The following CPQ variants were observed in gnomAD, a reference collection of about 807,000 sequenced individuals.
The protein encoded by CPQ is Ser-Met dipeptidase.
CPQ carries 37 observed loss-of-function variants against 45.7 expected under a neutral mutation model. The ratio of observed to expected loss-of-function variants is 0.81; its 90% confidence interval spans 0.62 to 1.07. CPQ has a LOEUF of 1.07. Ranked by LOEUF, CPQ falls within the 50% of genes least tolerant of loss-of-function variation. The pLI is 0.00. For synonymous variants in CPQ, 186 were observed against 205.8 expected, an observed-to-expected ratio of 0.90 and a Z score of 0.82; for missense variants, 537 against 572.9, an observed-to-expected ratio of 0.94 and a Z score of 0.64.
At position 96,660,492 on chromosome 8, in the gene CPQ, C is replaced by T. The variant is rs562877616; in HGVS notation, c.-35+15090C>T. Among the ~76,000 whole-genome samples the T allele has an allele frequency of 6.6e-5, 10 of 152,182 alleles. No homozygotes were observed. In the South Asian group the frequency reaches 8.3e-4, roughly 13 times the overall value. On this transcript the variant is annotated intron_variant, in intron 1 of 7. Coordinates refer to ENST00000220763, the MANE Select transcript of CPQ (RefSeq NM_016134.4). The stretch of plus-strand genomic sequence containing the variant: ...GGGAACACAATTTAGCCCATAACAC[C>T]GACTGTATCCCTCTATGTATTCTGT...
chr8:97,061,203 T>C (rs1810544593), intron 6 of CPQ, among the ~76,000 whole-genome samples: 1 of 152,168 alleles, frequency 6.6e-6, no homozygotes, highest in Non-Finnish European at 1.5e-5. Context: ...TGAAAAGATG[T>C]TTTATTATTT....
intron 7 of CPQ, among the ~76,000 whole-genome samples, chr8:97,121,673 C>A (rs1008486494): frequency 2.0e-5 from 3 of 152,050 alleles, no homozygotes; most frequent in African/African-American, 7.2e-5. Flanking sequence ...ACAACTAGAA[C>A]ACCCACTGAA....
intron 1 of CPQ, among the ~76,000 whole-genome samples, chr8:96,744,233 G>C (rs1398475537): frequency 6.6e-6 from 1 of 152,206 alleles, no homozygotes; most frequent in African/African-American, 2.4e-5. Flanking sequence ...GGAGTGACCC[G>C]ATTTTCCAGA....
intron 1 of CPQ, among the ~76,000 whole-genome samples, chr8:96,677,964 C>A (rs542645697): frequency 6.6e-6 from 1 of 151,690 alleles, no homozygotes; most frequent in African/African-American, 2.4e-5. Context: ...TGCTTTGTTG[C>A]GGATCAGCAC....
In CPQ at chr8:97,122,976, TA is replaced by T. The variant is rs1563586913; in HGVS notation, c.1256-20040del. 9.5e-3 allele frequency among the ~76,000 whole-genome samples: 514 copies of T among 54,358 alleles called. 37 individuals carry two copies. The highest frequency in any genetic ancestry group is 0.019 in the Admixed American group (71 of 3,714). The allele number at this position is 54,358 out of a possible 152,430, so 35.7% of individuals were successfully genotyped here. On this transcript the variant is annotated intron_variant, in intron 7 of 7. Transcript: ENST00000220763. ...TAAAATAAAATAAAATAAAATAAAATAAAATTAAAATAAAATAAAATAAAAT... is the reference window on the plus strand; with the variant it reads ...TAAAATAAAATAAAATAAAATAAAATAAATTAAAATAAAATAAAATAAAAT...
chr8:96,681,517 G>T (rs951539116), intron 1 of CPQ, among the ~76,000 whole-genome samples: 1 of 152,218 alleles, frequency 6.6e-6, no homozygotes, highest in African/African-American at 2.4e-5. Flanking sequence ...GTATAGAAAT[G>T]CCTGGCTGCA....
At chr8:97,138,643 G>T (rs1425234297) in intron 7 of CPQ, among the ~76,000 whole-genome samples, 1 of 152,124 alleles carries the variant, frequency 6.6e-6, no homozygotes, top group African/African-American at 2.4e-5. Context: ...AGAAATAATA[G>T]AAATAATGAA....
intron 3 of CPQ, among the ~76,000 whole-genome samples, chr8:96,873,134 T>A (rs1372172915): frequency 6.6e-6 from 1 of 151,886 alleles, no homozygotes; most frequent in African/African-American, 2.4e-5. Flanking sequence ...GATTTGCGGA[T>A]GAACATAAGA....
chr8:96,892,085 C>T (rs1812384053), intron 4 of CPQ, among the ~76,000 whole-genome samples: 1 of 152,078 alleles, frequency 6.6e-6, no homozygotes, highest in African/African-American at 2.4e-5. Flanking sequence ...CTAATGAATC[C>T]TGTTTTTATG....
chr8:96,653,112 A>T (rs935498322), intron 1 of CPQ, among the ~76,000 whole-genome samples: 1 of 152,138 alleles, frequency 6.6e-6, no homozygotes, highest in Non-Finnish European at 1.5e-5. Context: ...GTATATTTGT[A>T]GAGAAGGAGT....
intron 1 of CPQ, among the ~76,000 whole-genome samples, chr8:96,769,951 T>G (rs1421913393): frequency 6.6e-6 from 1 of 152,158 alleles, no homozygotes; most frequent in Non-Finnish European, 1.5e-5. Flanking sequence ...CAAAGATGCC[T>G]CCTTTTGAAC....
At chr8:96,908,747 G>GCGCACACACACACA (rs149476038) in intron 4 of CPQ, among the ~76,000 whole-genome samples, 1 of 140,918 alleles carries the variant, frequency 7.1e-6, no homozygotes, top group Non-Finnish European at 1.6e-5. Context: ...ATACACATGC[G>GCGCACACACACACA]CACACACACA....
chr8:96,681,399 G>A (rs185795628), intron 1 of CPQ, among the ~76,000 whole-genome samples: 5 of 152,256 alleles, frequency 3.3e-5, no homozygotes, highest in Admixed American at 6.5e-5. Flanking sequence ...CTGTTGCTTC[G>A]CAGGGTGAAA....
chr8:96,721,938 C>T lies in CPQ; in HGVS notation c.-34-62926C>T, dbSNP rs1809768619. Among the ~76,000 whole-genome samples, 3 of 152,208 alleles carry T rather than the reference C, an allele frequency of 2.0e-5. 1 individual carries two copies. The highest frequency in any genetic ancestry group is 2.0e-4 in the Admixed American group (3 of 15,282). ...CCCCACTTTACTTGGCTAACTCTTG[C>T]TAATCCTTTAGGTTGCAGCACAGAT... On this transcript the variant is annotated intron_variant, in intron 1 of 7. Transcript: ENST00000220763.
At chr8:96,789,455 G>A (rs1810818641) in intron 2 of CPQ, among the ~76,000 whole-genome samples, 1 of 152,072 alleles carries the variant, frequency 6.6e-6, no homozygotes, top group South Asian at 2.1e-4. Flanking sequence ...TTTTGGCTGG[G>A]TTCCCTATGA....
At chr8:96,949,045 GT>G (rs1384324815) in intron 4 of CPQ, among the ~76,000 whole-genome samples, 1 of 152,032 alleles carries the variant, frequency 6.6e-6, no homozygotes, top group Non-Finnish European at 1.5e-5. Flanking sequence ...TCTAAAGTGA[GT>G]TTCCTGTGGA....
At chr8:97,068,955 G>A (rs576368853) in intron 7 of CPQ, among the ~76,000 whole-genome samples, 17 of 152,256 alleles carry the variant, frequency 1.1e-4, no homozygotes, top group African/African-American at 1.4e-4. Flanking sequence ...CCAAATCTCC[G>A]GCAGTGTCTA....
chr8:97,007,527 A>G (rs1471561102), intron 5 of CPQ, among the ~76,000 whole-genome samples: 1 of 152,246 alleles, frequency 6.6e-6, no homozygotes, highest in Non-Finnish European at 1.5e-5. Flanking sequence ...AAATGGGAGT[A>G]ATCACAGGGC....
intron 5 of CPQ, among the ~76,000 whole-genome samples, chr8:97,023,161 A>C (rs1256704692): frequency 6.6e-6 from 1 of 150,906 alleles, no homozygotes; most frequent in African/African-American, 2.4e-5. Flanking sequence ...CGAATGAATT[A>C]ATGGCATTCG....
Sources: allele counts gnomAD v4.1 joint callset (sites outside exome capture counted in the v4.1 genomes callset), GRCh38; gene constraint gnomAD v4.1.1; transcripts MANE v1.5; gene names NCBI Gene and HGNC (gene_info 2026-07-23, HGNC 2026-07-21).